COL26A1: variants seen among roughly 807,000 people sequenced by gnomAD.
COL26A1 encodes collagen alpha-1(XXVI) chain.
In COL26A1, 41 loss-of-function variants were observed where a neutral mutation model predicts 59.3. That is an observed-to-expected ratio of 0.69 (90% CI 0.54 to 0.90). The LOEUF (loss-of-function observed/expected upper bound fraction) is 0.90. Ranked by LOEUF, COL26A1 falls within the 40% of genes least tolerant of loss-of-function variation. The pLI, the probability that COL26A1 is intolerant of heterozygous loss-of-function variation, is 0.00. For synonymous variants in COL26A1, 266 were observed against 256.0 expected (o/e 1.04, Z -0.37); for missense variants, 612 against 602.3 (o/e 1.02, Z -0.17).
At chr7:101,461,615 A>G (rs1337460557) in intron 3 of COL26A1, among the ~76,000 whole-genome samples, 1 of 152,066 alleles carries the variant, frequency 6.6e-6, no homozygotes, top group Non-Finnish European at 1.5e-5. Flanking sequence ...TCTTCTAATT[A>G]TGATCTTCCC....
intron 3 of COL26A1, among the ~76,000 whole-genome samples, chr7:101,523,419 G>A (rs1364964512): frequency 6.6e-6 from 1 of 152,010 alleles, no homozygotes; most frequent in Non-Finnish European, 1.5e-5. Flanking sequence ...TTTTTAAATG[G>A]TAATGCTTCT....
At chr7:101,509,658 C>A (rs877703) in intron 3 of COL26A1, among the ~76,000 whole-genome samples, 39,783 of 151,954 alleles carry the variant, frequency 0.26, 7,239 homozygotes, top group African/African-American at 0.52. Context: ...GGTCTAGGCC[C>A]GGCCAACACG....
At chr7:101,408,287 C>G (rs1265232944) in intron 1 of COL26A1, among the ~76,000 whole-genome samples, 1 of 152,180 alleles carries the variant, frequency 6.6e-6, no homozygotes, top group Non-Finnish European at 1.5e-5. Context: ...TAGGCCAGGA[C>G]AGCTGCCCCA....
chr7:101,411,622 T>C (rs1037571219), intron 1 of COL26A1, among the ~76,000 whole-genome samples: 1 of 151,894 alleles, frequency 6.6e-6, no homozygotes, highest in Non-Finnish European at 1.5e-5. Flanking sequence ...GAGGAGCAAG[T>C]CGGGGTTGAA....
chr7:101,527,369 C>A lies in COL26A1; in HGVS notation c.386-5713C>A, dbSNP rs1449529978. Among the ~76,000 whole-genome samples the A allele has an allele frequency of 3.3e-5, 5 of 151,892 alleles. No homozygotes were observed. In the East Asian group the frequency reaches 9.6e-4, roughly 29 times the overall value. On this transcript the variant is annotated intron_variant, in intron 3 of 12. Coordinates refer to ENST00000313669, the MANE Select transcript of COL26A1 (RefSeq NM_001278563.3). The stretch of plus-strand genomic sequence containing the variant: ...TTTGAGATGGAGTCTAGCTCTGTTG[C>A]CAGACTGGAGTGCAGTGGCACGATC...
intron 2 of COL26A1, among the ~76,000 whole-genome samples, chr7:101,425,773 C>T (rs538062936): frequency 1.3e-5 from 2 of 151,190 alleles, no homozygotes; most frequent in East Asian, 3.9e-4. Context: ...TCCCAAAGTG[C>T]TGGGATTACA....
At chr7:101,487,353 C>G (rs979985601) in intron 3 of COL26A1, among the ~76,000 whole-genome samples, 2 of 152,152 alleles carry the variant, frequency 1.3e-5, no homozygotes, top group Admixed American at 6.5e-5. Flanking sequence ...CTGTCTCTTG[C>G]TGAGGCTTGG....
At chr7:101,395,342 A>C (rs761977984) in intron 1 of COL26A1, among the ~76,000 whole-genome samples, 16 of 152,340 alleles carry the variant, frequency 1.1e-4, no homozygotes, top group Non-Finnish European at 1.8e-4. Flanking sequence ...GCAAGTCCTG[A>C]GTCTCCAGCT....
chr7:101,516,067 T>C (rs1052759010), intron 3 of COL26A1, among the ~76,000 whole-genome samples: 13 of 152,054 alleles, frequency 8.5e-5, no homozygotes, highest in African/African-American at 3.1e-4. Flanking sequence ...AAGTAAGGAG[T>C]TGCTGCCCTG....
intron 8 of COL26A1, 144 bp downstream of exon 8, chr7:101,547,383 T>C (rs1795760813): frequency 1.9e-6 from 1 of 529,928 alleles, no homozygotes; most frequent in African/African-American, 2.0e-5. Flanking sequence ...TCCCACCCGC[T>C]GTGTGGCAGG....
intron 3 of COL26A1, among the ~76,000 whole-genome samples, chr7:101,462,029 T>A (rs1793626600): frequency 6.7e-6 from 1 of 148,724 alleles, no homozygotes; most frequent in Admixed American, 6.8e-5. Flanking sequence ...AGACGAAGTC[T>A]TGCTCTGTTA....
chr7:101,501,207 G>GAAAAA (rs1794699192), intron 3 of COL26A1, among the ~76,000 whole-genome samples: 1 of 85,756 alleles, frequency 1.2e-5, no homozygotes, highest in Non-Finnish European at 2.4e-5. Flanking sequence ...AAAAAGAAAA[G>GAAAAA]AAAAGAAAAG....
At chr7:101,455,718 T>C (rs1793455044) in intron 3 of COL26A1, among the ~76,000 whole-genome samples, 1 of 152,094 alleles carries the variant, frequency 6.6e-6, no homozygotes, top group Non-Finnish European at 1.5e-5. Flanking sequence ...AGCCTAGCTC[T>C]GTCACCCAAG....
chr7:101,488,427 G>T (rs1283768382), intron 3 of COL26A1, among the ~76,000 whole-genome samples: 4 of 144,756 alleles, frequency 2.8e-5, no homozygotes, highest in Non-Finnish European at 4.5e-5. Context: ...CCAGGCTGGA[G>T]TGCAGTGGCG....
At chr7:101,399,433 C>T (rs1791940450) in intron 1 of COL26A1, among the ~76,000 whole-genome samples, 1 of 152,162 alleles carries the variant, frequency 6.6e-6, no homozygotes, top group East Asian at 1.9e-4. Context: ...AAGCAATTCT[C>T]CTGCCTCAGC....
Position 101,362,909 on chromosome 7 carries a change from C to T in COL26A1, c.-124C>T, listed in dbSNP as rs1297171506. ...ACATTTCCAGCTCGCACCCGGGCTCCGACCGCTCGCCCCGCTCCTCTCGCT... is the reference window on the plus strand; with the variant it reads ...ACATTTCCAGCTCGCACCCGGGCTCTGACCGCTCGCCCCGCTCCTCTCGCT... On this transcript the variant is annotated 5_prime_UTR_variant, in exon 1 of 13. Coordinates refer to ENST00000313669, the MANE Select transcript of COL26A1 (RefSeq NM_001278563.3). The T allele has an allele frequency of 4.8e-6, 5 of 1,037,716 alleles. No homozygotes were observed. The highest frequency in any genetic ancestry group is 6.1e-5 in the East Asian group (2 of 32,730). The allele number at this position is 1,037,716 out of a possible 1,614,324, so 64.3% of individuals were successfully genotyped here. A position where few individuals can be genotyped will look rare whatever the true frequency, so the allele number is the denominator to read the frequency against.
intron 1 of COL26A1, among the ~76,000 whole-genome samples, chr7:101,403,143 C>G (rs540752263): frequency 6.6e-6 from 1 of 152,060 alleles, no homozygotes; most frequent in African/African-American, 2.4e-5. Context: ...TGCGTGTGGC[C>G]GGCAAAGTCT....
At chr7:101,539,385 C>T (rs1795558889) in intron 4 of COL26A1, among the ~76,000 whole-genome samples, 1 of 151,352 alleles carries the variant, frequency 6.6e-6, no homozygotes, top group Non-Finnish European at 1.5e-5. Context: ...GATCTGTCAC[C>T]CAGGCTGGAG....
intron 3 of COL26A1, among the ~76,000 whole-genome samples, chr7:101,451,999 G>T (rs1318981302): frequency 6.6e-6 from 1 of 152,082 alleles, no homozygotes; most frequent in Non-Finnish European, 1.5e-5. Context: ...GAGCCACCGC[G>T]CACAGCCAAA....
Sources: gnomAD v4.1 joint callset for allele counts (sites outside exome capture counted in the v4.1 genomes callset) on GRCh38, gnomAD v4.1.1 for gene constraint, MANE v1.5 for transcripts, NCBI Gene and HGNC (gene_info 2026-07-23, HGNC 2026-07-21) for gene names.